Variants in MUSK observed in about 807,000 individuals in gnomAD.
MUSK encodes muscle associated receptor tyrosine kinase, also known as muscle, skeletal receptor tyrosine-protein kinase.
MUSK carries 55 observed loss-of-function variants against 88.7 expected under a neutral mutation model. That is an observed-to-expected ratio of 0.62 (90% CI 0.50 to 0.78). MUSK has a LOEUF of 0.78. MUSK is among the 30% of genes least tolerant of loss of function. The probability of loss-of-function intolerance (pLI) is 0.00; values close to 1 mark genes in which losing one functional copy is unlikely to be tolerated. For synonymous variants in MUSK, 387 were observed against 391.9 expected (o/e 0.99, Z 0.15); for missense variants, 1,015 against 1,074.3 (o/e 0.94, Z 0.77).
chr9:110,775,934 C>T lies in MUSK; in HGVS notation c.1331C>T (p.Pro444Leu). The T allele has an allele frequency of 6.2e-7, 1 of 1,613,760 alleles. No homozygotes were observed. ...CSKLPSMHWD[P>L]TACARLPHLD... The stretch of plus-strand genomic sequence containing the variant: ...AAGCTTCCCAGCATGCATTGGGACC[C>T]CACGGCCTGTGCCAGACTGCCACAT... The change falls in exon 10 of 15, where the codon CCC becomes CTC. Residue 444 changes from proline to leucine, a missense_variant. Transcript: ENST00000374448.
intron 3 of MUSK, among the ~76,000 whole-genome samples, chr9:110,694,395 A>C (rs1265426041): frequency 4.2e-5 from 6 of 144,448 alleles, no homozygotes; most frequent in South Asian, 2.1e-4. Flanking sequence ...CAAAAAAAAA[A>C]AAAAAAAAAA....
In MUSK at chr9:110,768,089, ATCTC is replaced by A; in HGVS notation, c.1184+7_1184+10del. ...ACTCCTATTCCCATTTGCAGGTAAA[ATCTC>A]AAAAATAAGTCAAAGGAAAAATTCC... On this transcript the variant is annotated splice_region_variant and intron_variant, in intron 9 of 14. Transcript: ENST00000374448. 1 of 1,583,056 alleles carries A rather than the reference ATCTC, an allele frequency of 6.3e-7. No homozygotes were observed. Among genetic ancestry groups the A allele is most frequent in the Admixed American group, 1.8e-5 (1 of 54,382 alleles).
chr9:110,735,426 C>T (rs1202482670), intron 6 of MUSK, among the ~76,000 whole-genome samples: 4 of 151,972 alleles, frequency 2.6e-5, no homozygotes, highest in South Asian at 4.2e-4. Context: ...TGGATGGAAC[C>T]GCAGGACATT....
chr9:110,787,943 C>A, intron 14 of MUSK, 105 bp downstream of exon 14: 1 of 1,283,734 alleles, frequency 7.8e-7, no homozygotes, highest in South Asian at 1.3e-5. Flanking sequence ...ATCAGTGAGA[C>A]GTTTCAGTTC....
At chr9:110,782,230 T>C (rs551592244) in intron 11 of MUSK, among the ~76,000 whole-genome samples, 5 of 152,084 alleles carry the variant, frequency 3.3e-5, no homozygotes, top group Admixed American at 3.3e-4. Context: ...AGAAAATTGG[T>C]GAGAGAAAAG....
rs1296577850 is a variant in MUSK at position 110,805,507 on chromosome 9, G to A, written c.*4519G>A. Among the ~76,000 whole-genome samples, 1 of 151,908 alleles carries A rather than the reference G, an allele frequency of 6.6e-6. No homozygotes were observed. Among genetic ancestry groups the A allele is most frequent in the Admixed American group, 6.5e-5 (1 of 15,272 alleles). The stretch of plus-strand genomic sequence containing the variant: ...CCTCCTACTATTATTTTTCTACTGG[G>A]TATATCTTTTTCTTGTTGCTTTGTA... On this transcript the variant is annotated 3_prime_UTR_variant, in exon 15 of 15. Transcript: ENST00000374448.
chr9:110,743,534 T>C (rs2077130662), intron 6 of MUSK, among the ~76,000 whole-genome samples: 1 of 152,216 alleles, frequency 6.6e-6, no homozygotes, highest in South Asian at 2.1e-4. Flanking sequence ...AAATTTCATG[T>C]CCCTCTTGCT....
chr9:110,692,026 G>A (rs1182220952), intron 3 of MUSK, among the ~76,000 whole-genome samples: 2 of 151,948 alleles, frequency 1.3e-5, no homozygotes, highest in Non-Finnish European at 2.9e-5. Flanking sequence ...AAAAAGTTTA[G>A]GATTTTTCTT....
chr9:110,689,310 TAA>T (rs1159691475), intron 3 of MUSK, among the ~76,000 whole-genome samples: 291 of 117,380 alleles, frequency 2.5e-3, no homozygotes, highest in African/African-American at 9.3e-3. Context: ...TATTTATATT[TAA>T]ATATATATTA....
intron 8 of MUSK, among the ~76,000 whole-genome samples, chr9:110,764,037 C>T (rs1244220613): frequency 6.6e-6 from 1 of 152,120 alleles, no homozygotes; most frequent in African/African-American, 2.4e-5. Context: ...AGAAAGGGAA[C>T]TTTTCTGAAA....
intron 1 of MUSK, among the ~76,000 whole-genome samples, chr9:110,681,052 A>ATATAATATATAT (rs1391972797): frequency 2.9e-5 from 1 of 34,842 alleles, no homozygotes; most frequent in Non-Finnish European, 4.6e-5. Flanking sequence ...AATATATATT[A>ATATAATATATAT]TATATTATAT....
At chr9:110,797,794 C>T (rs991854706) in intron 14 of MUSK, among the ~76,000 whole-genome samples, 33 of 152,146 alleles carry the variant, frequency 2.2e-4, no homozygotes, top group African/African-American at 8.0e-4. Flanking sequence ...TACATTTAGT[C>T]ATTAAACAAA....
At chr9:110,732,144 CAT>C (rs552904807) in intron 5 of MUSK, among the ~76,000 whole-genome samples, 19 of 152,034 alleles carry the variant, frequency 1.2e-4, no homozygotes, top group Non-Finnish European at 2.5e-4. Flanking sequence ...TTTTCTAGCA[CAT>C]GTGAGGTTGA....
At chr9:110,782,984 G>A (rs757755504) in intron 11 of MUSK, among the ~76,000 whole-genome samples, 2 of 152,120 alleles carry the variant, frequency 1.3e-5, no homozygotes, top group Non-Finnish European at 2.9e-5. Flanking sequence ...TGGTACTCAG[G>A]GCATAATCAC....
At chr9:110,678,300 T>C (rs2076056411) in intron 1 of MUSK, among the ~76,000 whole-genome samples, 1 of 151,938 alleles carries the variant, frequency 6.6e-6, no homozygotes, top group South Asian at 2.1e-4. Context: ...TTTGTATTTT[T>C]TGTAGAGATG....
intron 9 of MUSK, among the ~76,000 whole-genome samples, chr9:110,773,383 G>A (rs977591460): frequency 5.9e-5 from 9 of 151,908 alleles, no homozygotes; most frequent in South Asian, 2.1e-4. Flanking sequence ...ATTATCAACC[G>A]TATTTGTATT....
At chr9:110,708,640 T>A (rs10217693) in intron 5 of MUSK, among the ~76,000 whole-genome samples, 28,195 of 152,082 alleles carry the variant, frequency 0.19, 2,786 homozygotes, top group Non-Finnish European at 0.2. Context: ...GATATTATGG[T>A]ATATTATGGT....
At chr9:110,697,545 G>A in intron 5 of MUSK, 79 bp downstream of exon 5, 1 of 1,464,820 alleles carries the variant, frequency 6.8e-7, no homozygotes, top group Non-Finnish European at 9.2e-7. Context: ...CTGGGCTTGG[G>A]AGAGAAGAGA....
Position 110,668,987 on chromosome 9 carries a change from G to A in MUSK, c.79+4G>A, listed in dbSNP as rs781594297. ...GGAACTGAGAAACTTCCAAAAGGTTGGTTTGAGCAATCGTGTCTTCTTGTT... is the reference window on the plus strand; with the variant it reads ...GGAACTGAGAAACTTCCAAAAGGTTAGTTTGAGCAATCGTGTCTTCTTGTT... On this transcript the variant is annotated splice_donor_region_variant and intron_variant, in intron 1 of 14. Transcript: ENST00000374448. The A allele has an allele frequency of 6.2e-7, 1 of 1,611,532 alleles. No homozygotes were observed. Among genetic ancestry groups the A allele is most frequent in the South Asian group, 1.1e-5 (1 of 91,016 alleles).
Sources: allele counts gnomAD v4.1 joint callset (sites outside exome capture counted in the v4.1 genomes callset), GRCh38; gene constraint gnomAD v4.1.1; transcripts MANE v1.5; gene names NCBI Gene and HGNC (gene_info 2026-07-23, HGNC 2026-07-21).